The following ZMYND11 variants were observed in gnomAD, a reference collection of about 807,000 sequenced individuals.
ZMYND11 encodes the protein zinc finger MYND domain-containing protein 11.
A neutral mutation model predicts 84.9 loss-of-function variants in ZMYND11; 9 were observed. The observed-to-expected ratio is 0.11, with a 90% confidence interval of 0.06 to 0.18. The LOEUF (loss-of-function observed/expected upper bound fraction) is 0.18, where lower values mean the gene tolerates loss of function less well. ZMYND11 is among the 10% of genes least tolerant of loss of function. ZMYND11 has a pLI of 1.00. For synonymous variants in ZMYND11, 250 were observed against 244.1 expected (o/e 1.02, Z -0.23); for missense variants, 409 against 761.0 (o/e 0.54, Z 5.44).
At chr10:167,354 G>A (rs1292080459) in intron 1 of ZMYND11, among the ~76,000 whole-genome samples, 1 of 151,934 alleles carries the variant, frequency 6.6e-6, no homozygotes, top group Non-Finnish European at 1.5e-5. Flanking sequence ...CCTCAATAAA[G>A]CTTTTCAAAA....
At chr10:211,036 T>A (rs1267055329) in intron 3 of ZMYND11, among the ~76,000 whole-genome samples, 1 of 150,110 alleles carries the variant, frequency 6.7e-6, no homozygotes, top group Non-Finnish European at 1.5e-5. Flanking sequence ...TACAAAAAAA[T>A]AAAAAATTAG....
chr10:142,158 T>G (rs879961802), intron 1 of ZMYND11, among the ~76,000 whole-genome samples: 4 of 152,188 alleles, frequency 2.6e-5, no homozygotes, highest in Non-Finnish European at 4.4e-5. Context: ...GGGAGCACAG[T>G]GGCGAGAACT....
chr10:194,963 CATG>C (rs1249688702), intron 2 of ZMYND11, among the ~76,000 whole-genome samples: 5 of 152,180 alleles, frequency 3.3e-5, no homozygotes, highest in Admixed American at 1.3e-4. Context: ...CCAAATTTAA[CATG>C]ATATCCACAT....
chr10:226,220 C>G (rs1348262738), intron 4 of ZMYND11, among the ~76,000 whole-genome samples: 2 of 152,152 alleles, frequency 1.3e-5, no homozygotes, highest in Admixed American at 1.3e-4. Flanking sequence ...GACTCCCCAC[C>G]CTTCCTCTCC....
intron 6 of ZMYND11, 100 bp from the exon 7 acceptor site, chr10:239,337 CT>C: frequency 1.1e-6 from 1 of 926,046 alleles, no homozygotes; most frequent in South Asian, 1.6e-5. Context: ...AGTAGTCATC[CT>C]GATGTCATCC....
At position 237,672 on chromosome 10, in the gene ZMYND11, C is replaced by G. The variant is rs1282678709; in HGVS notation, c.604C>G (p.Gln202Glu). 1.2e-6 allele frequency: 2 copies of G among 1,606,828 alleles called. No homozygotes were observed. The highest frequency in any genetic ancestry group is 2.2e-5 in the East Asian group (1 of 44,822). Residue 202 changes from glutamine (Q) to glutamate (E), a missense_variant, in exon 6 of 15, where the codon CAA becomes GAA. Around this residue, in one of 7 missense-constraint regions of ZMYND11, gnomAD observed 53 missense variants for 71.1 expected, o/e 0.75. Transcript: ENST00000381604. ...VHSAVDVPTI[Q>E]EKVNEGKYRS... ...CTCAGCTGTGGACGTTCCCACCATT[C>G]AAGAGGTAAAGTCGGTTTCTTTTAT...
intron 2 of ZMYND11, among the ~76,000 whole-genome samples, chr10:200,432 TAATA>T (rs1376023512): frequency 6.7e-6 from 1 of 148,324 alleles, no homozygotes; most frequent in Non-Finnish European, 1.5e-5. Flanking sequence ...ATATATGTTA[TAATA>T]AATATGTGTG....
In ZMYND11 at chr10:247,482, C is replaced by T. The variant is rs763913143; in HGVS notation, c.1227+16C>T. On this transcript the variant is annotated intron_variant, in intron 12 of 14. Coordinates refer to ENST00000381604, the MANE Select transcript of ZMYND11 (RefSeq NM_001370100.5). Reference sequence around the variant, plus strand: ...CAAAAAGGAAGTAAGTTGCCCACCTCGCAGTATCCAGGTGGCAAATGAAAC... The same window carrying T: ...CAAAAAGGAAGTAAGTTGCCCACCTTGCAGTATCCAGGTGGCAAATGAAAC... 6.8e-6 allele frequency: 11 copies of T among 1,612,484 alleles called. No individual in the cohort carries two copies. The highest frequency in any genetic ancestry group is 6.7e-5 in the African/African-American group (5 of 74,780).
chr10:139,862 C>T (rs782648449), intron 1 of ZMYND11, among the ~76,000 whole-genome samples: 4 of 152,026 alleles, frequency 2.6e-5, no homozygotes, highest in East Asian at 1.9e-4. Flanking sequence ...CAGGCAGGAG[C>T]CACCACGCCT....
chr10:154,858 C>A lies in ZMYND11; in HGVS notation c.-20+19299C>A, dbSNP rs574370154. The A allele has an allele frequency of 8.5e-5, 13 of 152,144 alleles. No individual in the cohort carries two copies. The East Asian group carries it at 2.5e-3, about 29-fold the overall frequency. The allele number at this position is 152,144 out of a possible 1,614,324, so 9.4% of individuals were successfully genotyped here. On this transcript the variant is annotated intron_variant, in intron 1 of 14. Coordinates refer to ENST00000381604, the MANE Select transcript of ZMYND11 (RefSeq NM_001370100.5). ...AAGAAAATTTCTCTTATTTTCTCTC[C>A]CATCCAAGTACTCACCAGGCCCAAT...
intron 4 of ZMYND11, among the ~76,000 whole-genome samples, chr10:228,985 ATAC>A (rs1948565367): frequency 6.6e-6 from 1 of 152,164 alleles, no homozygotes; most frequent in East Asian, 1.9e-4. Flanking sequence ...GGATTTAGAA[ATAC>A]TACATGTTTT....
chr10:237,743 G>T lies in ZMYND11; in HGVS notation c.609+66G>T. ...CTTAACTAACAAGTTAAAGAATAAT[G>T]TAGCAGTTAAGCAGATTTTGGTTGC... On this transcript the variant is annotated intron_variant, in intron 6 of 14. Coordinates refer to ENST00000381604, the MANE Select transcript of ZMYND11 (RefSeq NM_001370100.5). The T allele has an allele frequency of 2.3e-6, 3 of 1,311,314 alleles. No individual in the cohort carries two copies. The East Asian group carries it at 7.2e-5, about 31-fold the overall frequency. 81.2% of individuals were successfully genotyped at this position (1,311,314 alleles called of 1,614,324 possible).
At chr10:178,492 A>G (rs1847152373) in intron 1 of ZMYND11, among the ~76,000 whole-genome samples, 1 of 152,224 alleles carries the variant, frequency 6.6e-6, no homozygotes, top group Non-Finnish European at 1.5e-5. Context: ...TTGGATTCTG[A>G]AAGTTGGTGC....
intron 2 of ZMYND11, among the ~76,000 whole-genome samples, chr10:208,178 T>C (rs1176640339): frequency 6.6e-6 from 1 of 152,144 alleles, no homozygotes; most frequent in African/African-American, 2.4e-5. Flanking sequence ...ACGTTTGACC[T>C]AAAACCATAA....
intron 8 of ZMYND11, 44 bp downstream of exon 8, chr10:240,155 ATTAAT>A (rs770593808): frequency 1.7e-5 from 25 of 1,432,592 alleles, no homozygotes; most frequent in South Asian, 3.9e-5. Flanking sequence ...TATAACTGAA[ATTAAT>A]TTATTTCAGG....
In ZMYND11 at chr10:207,742, A is replaced by G. The variant is rs566755203; in HGVS notation, c.117-2147A>G. ...CTGCCCAAGGTAATTTATAGATTCA[A>G]TGCCATCCCCATCAAGCTACCAATG... On this transcript the variant is annotated intron_variant, in intron 2 of 14. Coordinates refer to ENST00000381604, the MANE Select transcript of ZMYND11 (RefSeq NM_001370100.5). 8.6e-3 allele frequency among the ~76,000 whole-genome samples: 1,304 copies of G among 152,332 alleles called. 15 individuals carry two copies. The highest frequency in any genetic ancestry group is 0.029 in the African/African-American group (1,211 of 41,580).
intron 4 of ZMYND11, among the ~76,000 whole-genome samples, chr10:232,324 A>G (rs1949143441): frequency 6.6e-6 from 1 of 152,242 alleles, no homozygotes; most frequent in Admixed American, 6.5e-5. Flanking sequence ...GACCTGGGAC[A>G]GAATGTGCAA....
chr10:233,655 T>A (rs1467656588), intron 4 of ZMYND11, among the ~76,000 whole-genome samples: 2 of 152,198 alleles, frequency 1.3e-5, no homozygotes, highest in African/African-American at 4.8e-5. Context: ...TTTCCTTTCA[T>A]GCTTTACTCA....
intron 1 of ZMYND11, among the ~76,000 whole-genome samples, chr10:142,659 A>G (rs1588392941): frequency 6.6e-6 from 1 of 152,212 alleles, no homozygotes; most frequent in East Asian, 1.9e-4. Context: ...CTTTACAGTG[A>G]TATTCCTTCA....
Sources: allele counts gnomAD v4.1 joint callset (sites outside exome capture counted in the v4.1 genomes callset), GRCh38; gene constraint gnomAD v4.1.1; regional missense constraint gnomAD v4.1.1; transcripts MANE v1.5; gene names NCBI Gene and HGNC (gene_info 2026-07-23, HGNC 2026-07-21).